Variants in DPYD observed in about 807,000 individuals in gnomAD.
DPYD encodes the protein dihydropyrimidine dehydrogenase [NADP(+)].
DPYD carries 109 observed loss-of-function variants against 116.2 expected under a neutral mutation model. The observed-to-expected ratio is 0.94, with a 90% CI of 0.80 to 1.10. The LOEUF is 1.10. Ranked by LOEUF, DPYD falls within the 50% of genes least tolerant of loss-of-function variation. DPYD has a pLI of 0.00. For missense variants in DPYD, 1,302 were observed against 1,254.5 expected, an observed-to-expected ratio of 1.04 and a Z score of -0.57; for synonymous variants, 440 against 432.0, an observed-to-expected ratio of 1.02 and a Z score of -0.23.
chr1:97,386,544 T>G (rs1377916356), intron 14 of DPYD, among the ~76,000 whole-genome samples: 2 of 152,298 alleles, frequency 1.3e-5, no homozygotes, highest in South Asian at 4.1e-4. Context: ...GGAAATTCTA[T>G]TTTTACATTC....
At chr1:97,760,433 C>A (rs1400741658) in intron 3 of DPYD, among the ~76,000 whole-genome samples, 1 of 151,898 alleles carries the variant, frequency 6.6e-6, no homozygotes, top group African/African-American at 2.4e-5. Flanking sequence ...TAAAAAATAG[C>A]AATACAACAA....
At chr1:97,514,037 C>T (rs1648016637) in intron 13 of DPYD, among the ~76,000 whole-genome samples, 1 of 151,660 alleles carries the variant, frequency 6.6e-6, no homozygotes, top group Non-Finnish European at 1.5e-5. Flanking sequence ...ATAGGGTTTC[C>T]AAAAAACCCC....
chr1:97,450,630 T>C (rs1011203476), intron 13 of DPYD, among the ~76,000 whole-genome samples: 12 of 152,118 alleles, frequency 7.9e-5, no homozygotes, highest in African/African-American at 2.9e-4. Flanking sequence ...AGAATTAATG[T>C]TAGTAAAAAG....
chr1:97,918,743 T>C (rs1674354188), intron 1 of DPYD, among the ~76,000 whole-genome samples: 1 of 152,164 alleles, frequency 6.6e-6, no homozygotes, highest in Non-Finnish European at 1.5e-5. Flanking sequence ...ACTATTAGAG[T>C]AGGTTGTTAT....
chr1:97,124,214 C>T (rs1183127494), intron 20 of DPYD, among the ~76,000 whole-genome samples: 1 of 151,986 alleles, frequency 6.6e-6, no homozygotes, highest in Non-Finnish European at 1.5e-5. Flanking sequence ...ATGCCCTCCA[C>T]CCCCGCCCTG....
chr1:97,391,426 C>T, intron 14 of DPYD, among the ~76,000 whole-genome samples: 1 of 151,946 alleles, frequency 6.6e-6, no homozygotes. Context: ...TCGCCCACAT[C>T]CAGTGATTAA....
At chr1:97,187,669 C>T (rs1290615896) in intron 20 of DPYD, among the ~76,000 whole-genome samples, 2 of 151,854 alleles carry the variant, frequency 1.3e-5, no homozygotes, top group Non-Finnish European at 2.9e-5. Context: ...GAAGAGTTTT[C>T]CTTAGATTTT....
At chr1:97,137,027 A>AT (rs1157852329) in intron 20 of DPYD, among the ~76,000 whole-genome samples, 1 of 152,160 alleles carries the variant, frequency 6.6e-6, no homozygotes, top group Non-Finnish European at 1.5e-5. Flanking sequence ...CCACCTATTA[A>AT]TTTTTCCAGT....
intron 16 of DPYD, among the ~76,000 whole-genome samples, chr1:97,322,211 G>A (rs1346708603): frequency 6.7e-6 from 1 of 148,540 alleles, no homozygotes; most frequent in African/African-American, 2.5e-5. Context: ...ATGTGCACAT[G>A]TACCCTAAAA....
At chr1:97,916,373 C>T (rs1039736860) in intron 1 of DPYD, among the ~76,000 whole-genome samples, 3 of 152,052 alleles carry the variant, frequency 2.0e-5, no homozygotes, top group Non-Finnish European at 4.4e-5. Flanking sequence ...TGTTCCCCTT[C>T]CTGTGTTCAT....
intron 20 of DPYD, among the ~76,000 whole-genome samples, chr1:97,134,665 T>C (rs1653648985): frequency 6.6e-6 from 1 of 152,208 alleles, no homozygotes; most frequent in Non-Finnish European, 1.5e-5. Flanking sequence ...ATTTTCACTA[T>C]TTGAATGTTC....
At chr1:97,257,441 A>G (rs1663558843) in intron 18 of DPYD, among the ~76,000 whole-genome samples, 1 of 124,064 alleles carries the variant, frequency 8.1e-6, no homozygotes, top group Non-Finnish European at 1.5e-5. Context: ...ATACGTATAT[A>G]TATATATATA....
chr1:97,392,135 T>A (rs775418122), intron 14 of DPYD, among the ~76,000 whole-genome samples: 2 of 152,056 alleles, frequency 1.3e-5, no homozygotes, highest in African/African-American at 2.4e-5. Flanking sequence ...CAGGTTTGAT[T>A]CCAGATGACA....
intron 5 of DPYD, among the ~76,000 whole-genome samples, chr1:97,702,868 T>C (rs1661682045): frequency 6.6e-6 from 1 of 151,830 alleles, no homozygotes; most frequent in African/African-American, 2.4e-5. Flanking sequence ...GATGCAAACA[T>C]TGAATTATTT....
chr1:97,686,339 T>G (rs576096861), intron 7 of DPYD, among the ~76,000 whole-genome samples: 1 of 151,966 alleles, frequency 6.6e-6, no homozygotes, highest in Non-Finnish European at 1.5e-5. Flanking sequence ...CAAGATGGAT[T>G]AAAGACTTAC....
At chr1:97,779,316 TACACACACAC>T (rs34698824) in intron 3 of DPYD, among the ~76,000 whole-genome samples, 2 of 144,440 alleles carry the variant, frequency 1.4e-5, no homozygotes, top group Admixed American at 1.4e-4. Context: ...CACACACACA[TACACACACAC>T]ACAAAGACTT....
At chr1:97,561,094 A>G (rs1436880328) in intron 11 of DPYD, among the ~76,000 whole-genome samples, 1 of 152,198 alleles carries the variant, frequency 6.6e-6, no homozygotes, top group African/African-American at 2.4e-5. Flanking sequence ...TGTTACAATA[A>G]AATAGGACAG....
intron 13 of DPYD, among the ~76,000 whole-genome samples, chr1:97,514,643 T>C (rs1354994006): frequency 3.3e-5 from 5 of 151,892 alleles, no homozygotes; most frequent in African/African-American, 4.8e-5. Context: ...AAATATTCAG[T>C]TGATCTATTT....
At chr1:97,646,534 T>C (rs1316340921) in intron 8 of DPYD, among the ~76,000 whole-genome samples, 1 of 152,140 alleles carries the variant, frequency 6.6e-6, no homozygotes, top group Non-Finnish European at 1.5e-5. Flanking sequence ...AAAACACTCA[T>C]GGTAATACAA....
Sources: gnomAD v4.1 joint callset for allele counts (sites outside exome capture counted in the v4.1 genomes callset) on GRCh38, gnomAD v4.1.1 for gene constraint, MANE v1.5 for transcripts, NCBI Gene and HGNC (gene_info 2026-07-23, HGNC 2026-07-21) for gene names.